Variants in KANK1 observed in about 807,000 individuals in gnomAD.
The protein encoded by KANK1 is KN motif and ankyrin repeat domains 1, also known as KN motif and ankyrin repeat domain-containing protein 1.
In KANK1, 109 loss-of-function variants were observed where a neutral mutation model predicts 106.2. The observed-to-expected ratio is 1.03, with a 90% CI of 0.88 to 1.20. The LOEUF is 1.20. KANK1 is among the 50% of genes most tolerant of loss of function. The pLI is 0.00. For synonymous variants in KANK1, 873 were observed against 652.2 expected, an observed-to-expected ratio of 1.34 and a Z score of -5.16; for missense variants, 2,399 against 1,710.7, an observed-to-expected ratio of 1.40 and a Z score of -7.10.
At chr9:638,702 T>G (rs1019157875) in intron 1 of KANK1, among the ~76,000 whole-genome samples, 1 of 152,220 alleles carries the variant, frequency 6.6e-6, no homozygotes, top group Non-Finnish European at 1.5e-5. Context: ...ATAAACTTGT[T>G]AAATTTGCGA....
At chr9:721,366 A>C (rs1332811809) in intron 3 of KANK1, among the ~76,000 whole-genome samples, 1 of 152,216 alleles carries the variant, frequency 6.6e-6, no homozygotes, top group Admixed American at 6.5e-5. Flanking sequence ...GGTTTGTAAA[A>C]GGTCTAATTT....
At chr9:514,007 A>T (rs1158782037) in intron 1 of KANK1, among the ~76,000 whole-genome samples, 6 of 137,108 alleles carry the variant, frequency 4.4e-5, no homozygotes, top group Admixed American at 6.7e-5. Flanking sequence ...ACAGAGCGAG[A>T]CTCCGTCTCG....
At position 584,077 on chromosome 9, in the gene KANK1, A is replaced by G. The variant is rs117748824; in HGVS notation, c.-84+79323A>G. ...TTATCCCAGGCAAATACTTGATGGT[A>G]TAGTGAAGGATATCTTTCTCAGCAT... On this transcript the variant is annotated intron_variant, in intron 1 of 11. Coordinates refer to ENST00000382297, the MANE Select transcript of KANK1 (RefSeq NM_015158.5). Among the ~76,000 whole-genome samples, 22 of 152,304 alleles carry G rather than the reference A, an allele frequency of 1.4e-4. 1 individual carries two copies. The East Asian group carries it at 4.0e-3, about 28-fold the overall frequency.
chr9:608,976 G>C (rs940501449), intron 1 of KANK1, among the ~76,000 whole-genome samples: 2 of 152,152 alleles, frequency 1.3e-5, no homozygotes, highest in Non-Finnish European at 2.9e-5. Flanking sequence ...CTTGTTGTTA[G>C]CTTTCGGGGT....
intron 1 of KANK1, among the ~76,000 whole-genome samples, chr9:643,203 A>AT (rs1563915678): frequency 6.6e-6 from 1 of 150,604 alleles, no homozygotes; most frequent in Non-Finnish European, 1.5e-5. Flanking sequence ...TTTCATACAG[A>AT]TTTTTTGGTG....
chr9:655,370 TAAAA>T (rs59311073), intron 1 of KANK1, among the ~76,000 whole-genome samples: 113,151 of 137,692 alleles, frequency 0.82, 46,119 homozygotes, highest in East Asian at 0.97. Flanking sequence ...AAATTCTGTC[TAAAA>T]AAAAAAAAAA....
chr9:699,299 CTGTTT>C (rs1822080874), intron 2 of KANK1, among the ~76,000 whole-genome samples: 1 of 152,220 alleles, frequency 6.6e-6, no homozygotes, highest in South Asian at 2.1e-4. Context: ...GGCTCTGTGT[CTGTTT>C]TGCTTAGCAC....
intron 3 of KANK1, among the ~76,000 whole-genome samples, chr9:489,711 G>T (rs2058347182): frequency 6.6e-6 from 1 of 152,080 alleles, no homozygotes; most frequent in African/African-American, 2.4e-5. Flanking sequence ...CACTTAGCAG[G>T]CATTTAATAA....
chr9:498,916 G>A (rs780483932), intron 3 of KANK1, among the ~76,000 whole-genome samples: 5 of 152,118 alleles, frequency 3.3e-5, no homozygotes, highest in Non-Finnish European at 7.4e-5. Flanking sequence ...GGTGGCTCAC[G>A]CCTTTAATCC....
At chr9:529,133 A>G (rs559160925) in intron 1 of KANK1, among the ~76,000 whole-genome samples, 7 of 151,734 alleles carry the variant, frequency 4.6e-5, no homozygotes, top group African/African-American at 1.7e-4. Flanking sequence ...AAAGGTGTAT[A>G]GTGAAAAGCC....
At chr9:497,875 A>C (rs2058482828) in intron 3 of KANK1, among the ~76,000 whole-genome samples, 1 of 152,044 alleles carries the variant, frequency 6.6e-6, no homozygotes. Flanking sequence ...ACACACACCC[A>C]CACACACAAG....
chr9:532,318 C>T (rs1406368189), intron 1 of KANK1, among the ~76,000 whole-genome samples: 2 of 145,990 alleles, frequency 1.4e-5, no homozygotes, highest in African/African-American at 5.1e-5. Flanking sequence ...CTCGGCTCAC[C>T]GCAACCTCTG....
chr9:738,430 G>C lies in KANK1; in HGVS notation c.3479G>C (p.Gly1160Ala). ...VLRYVINLADGNGNTALHYSV... is the reference protein window; with the variant it reads ...VLRYVINLADANGNTALHYSV... ...CGCTATGTCATCAACTTGGCAGACG[G>C]CAACGGCAACACAGCCCTCCATTAC... The change falls in exon 8 of 12, where the codon GGC (glycine) becomes GCC (alanine). Residue 1160 changes from glycine to alanine, a missense_variant. By Grantham distance (60) the Gly-to-Ala change is moderately conservative. Transcript: ENST00000382297. 1.2e-6 allele frequency: 2 copies of C among 1,614,100 alleles called. No homozygotes were observed. Among genetic ancestry groups the C allele is most frequent in the Non-Finnish European group, 1.7e-6 (2 of 1,180,020 alleles).
chr9:524,817 C>T (rs1160678020), intron 1 of KANK1, among the ~76,000 whole-genome samples: 2 of 151,266 alleles, frequency 1.3e-5, no homozygotes, highest in African/African-American at 2.5e-5. Context: ...GTGCCCGGCT[C>T]GTTACTGGTT....
upstream of KANK1, among the ~76,000 whole-genome samples, chr9:503,001 ATTTTTTTTTTTT>A (rs35195436): frequency 1.4e-4 from 10 of 70,254 alleles, no homozygotes; most frequent in African/African-American, 2.2e-4. Flanking sequence ...CGCCCAGCTG[ATTTTTTTTTTTT>A]TTTTTTTTTT....
chr9:712,858 A>G lies in KANK1; in HGVS notation c.2092A>G (p.Thr698Ala), dbSNP rs749665342. Residue 698 changes from threonine to alanine, a missense_variant, in exon 3 of 12, where the codon ACT becomes GCT. By Grantham distance (58) the Thr-to-Ala change is moderately conservative. Coordinates refer to ENST00000382297, the MANE Select transcript of KANK1 (RefSeq NM_015158.5). ...CACCCTCATAGAGTCCTGCACCAACACTTGTCTAAGCACTTTGGACAAGCA... is the reference window on the plus strand; with the variant it reads ...CACCCTCATAGAGTCCTGCACCAACGCTTGTCTAAGCACTTTGGACAAGCA... Reference protein sequence around the residue: ...TATLIESCTNTCLSTLDKQTS... With the variant: ...TATLIESCTNACLSTLDKQTS... 1.9e-6 allele frequency: 3 copies of G among 1,613,816 alleles called. No homozygotes were observed. Among genetic ancestry groups the G allele is most frequent in the Admixed American group, 1.7e-5 (1 of 59,980 alleles).
rs1212883828 is a variant in KANK1 at position 626,496 on chromosome 9, A to G, written c.-83-50394A>G. 2.0e-5 allele frequency among the ~76,000 whole-genome samples: 3 copies of G among 152,170 alleles called. No individual in the cohort carries two copies. The East Asian group carries it at 5.8e-4, about 29-fold the overall frequency. On this transcript the variant is annotated intron_variant, in intron 1 of 11. Coordinates refer to ENST00000382297, the MANE Select transcript of KANK1 (RefSeq NM_015158.5). ...ATTATTCTAGATACAAATATTCTGAATGCTCCTTTAGTCAGATTCTGTGTT... is the reference window on the plus strand; with the variant it reads ...ATTATTCTAGATACAAATATTCTGAGTGCTCCTTTAGTCAGATTCTGTGTT...
chr9:621,214 A>G (rs10217596), intron 1 of KANK1, among the ~76,000 whole-genome samples: 7 of 152,324 alleles, frequency 4.6e-5, no homozygotes, highest in East Asian at 3.9e-4. Context: ...TAGCTATCAC[A>G]TAACATACAT....
At chr9:531,928 A>G (rs1318986117) in intron 1 of KANK1, among the ~76,000 whole-genome samples, 2 of 152,184 alleles carry the variant, frequency 1.3e-5, no homozygotes, top group African/African-American at 4.8e-5. Flanking sequence ...TTTTGTCTAG[A>G]TGCTCACCTG....
Sources: gnomAD v4.1 joint callset for allele counts (sites outside exome capture counted in the v4.1 genomes callset) on GRCh38, gnomAD v4.1.1 for gene constraint, MANE v1.5 for transcripts, NCBI Gene and HGNC (gene_info 2026-07-23, HGNC 2026-07-21) for gene names.